Variants in KCNJ16 observed in about 807,000 individuals in gnomAD.
KCNJ16 encodes potassium inwardly rectifying channel subfamily J member 16, also known as inward rectifier potassium channel 16.
In KCNJ16, 15 loss-of-function variants were observed where a neutral mutation model predicts 18.5. The observed-to-expected ratio is 0.81, with a 90% CI of 0.54 to 1.25. The LOEUF (loss-of-function observed/expected upper bound fraction) is 1.25, where lower values mean the gene tolerates loss of function less well. Among genes scored for constraint, KCNJ16 ranks in the 50% most tolerant of loss-of-function variants. KCNJ16 has a pLI of 0.00. For missense variants in KCNJ16, 523 were observed against 525.7 expected (o/e 0.99, Z 0.05); for synonymous variants, 174 against 186.5 (o/e 0.93, Z 0.55).
intron 1 of KCNJ16, among the ~76,000 whole-genome samples, chr17:70,089,412 T>C (rs2071984223): frequency 6.6e-6 from 1 of 152,220 alleles, no homozygotes. Context: ...GGAATAAGTA[T>C]GTTTACTTTT....
Position 70,132,954 on chromosome 17 carries a change from T to A in KCNJ16, c.867T>A (p.Thr289=). 1 of 1,614,192 alleles carries A rather than the reference T, an allele frequency of 6.2e-7. No homozygotes were observed. Among genetic ancestry groups the A allele is most frequent in the African/African-American group, 1.3e-5 (1 of 75,062 alleles). The part of the protein sequence containing the change: ...LVTFIYTGDS[T]GTSHQSRSSY... ...CATTTATCTATACTGGTGATTCCAC[T>A]GGAACATCTCACCAATCTAGAAGCT... is the stretch of plus-strand genomic sequence containing the variant. Residue 289 remains threonine, a synonymous_variant, in exon 4 of 4, where the codon ACT becomes ACA. Coordinates refer to ENST00000392671, the MANE Select transcript of KCNJ16 (RefSeq NM_170741.4).
At chr17:70,084,811 A>G (rs981752119) in intron 1 of KCNJ16, among the ~76,000 whole-genome samples, 3 of 152,188 alleles carry the variant, frequency 2.0e-5, no homozygotes, top group African/African-American at 7.2e-5. Flanking sequence ...AAACACTAGT[A>G]AAATTCCTTG....
intron 1 of KCNJ16, among the ~76,000 whole-genome samples, chr17:70,096,058 A>G (rs2072357026): frequency 6.6e-6 from 1 of 151,096 alleles, no homozygotes; most frequent in Non-Finnish European, 1.5e-5. Context: ...AATTTTTTGT[A>G]TTTTTGAGTA....
intron 1 of KCNJ16, among the ~76,000 whole-genome samples, chr17:70,092,447 T>C (rs2072131408): frequency 6.6e-6 from 1 of 152,084 alleles, no homozygotes; most frequent in Admixed American, 6.6e-5. Flanking sequence ...AAATATGTAC[T>C]AGTCCATTGT....
At chr17:70,123,178 CTCTT>C (rs1160078007) in intron 2 of KCNJ16, among the ~76,000 whole-genome samples, 1 of 152,176 alleles carries the variant, frequency 6.6e-6, no homozygotes, top group African/African-American at 2.4e-5. Flanking sequence ...CTCTGGCTCT[CTCTT>C]TCTAGCCTCA....
At chr17:70,080,034 T>C (rs1023823344) in intron 1 of KCNJ16, among the ~76,000 whole-genome samples, 1 of 152,238 alleles carries the variant, frequency 6.6e-6, no homozygotes, top group Non-Finnish European at 1.5e-5. Context: ...AGCTTTTTTG[T>C]AATGCAACTT....
intron 3 of KCNJ16, chr17:70,131,369 G>C (rs548478510): frequency 9.6e-7 from 1 of 1,043,456 alleles, no homozygotes; most frequent in African/African-American, 1.7e-5. Flanking sequence ...GGTGGAGTTA[G>C]GGGGAAATGA....
chr17:70,079,591 T>A (rs1006708113), intron 1 of KCNJ16, among the ~76,000 whole-genome samples: 8 of 152,252 alleles, frequency 5.3e-5, no homozygotes, highest in Admixed American at 4.6e-4. Context: ...AAATTAAGAA[T>A]CATACTTTAG....
intron 2 of KCNJ16, among the ~76,000 whole-genome samples, chr17:70,111,966 A>G (rs966796691): frequency 1.3e-5 from 2 of 152,148 alleles, no homozygotes; most frequent in African/African-American, 4.8e-5. Context: ...ACTAACTAAT[A>G]CGGTCACCAA....
chr17:70,098,840 A>C (rs1293346498), intron 1 of KCNJ16, among the ~76,000 whole-genome samples: 1 of 152,190 alleles, frequency 6.6e-6, no homozygotes, highest in East Asian at 1.9e-4. Flanking sequence ...GTCAAACGGC[A>C]CCTCAATAAT....
chr17:70,132,398 A>G lies in KCNJ16; in HGVS notation c.311A>G (p.Asn104Ser). ...GCCTTTCATCATGGCGATCTATTAA[A>G]TGATCCAGACATCACACCTTGTGTT... Reference protein sequence around the residue: ...LIAFHHGDLLNDPDITPCVDN... With the variant: ...LIAFHHGDLLSDPDITPCVDN... The change falls in exon 4 of 4, where the codon AAT becomes AGT. Residue 104 changes from asparagine to serine, a missense_variant. By Grantham distance (46) the Asn-to-Ser change is conservative. Coordinates refer to ENST00000392671, the MANE Select transcript of KCNJ16 (RefSeq NM_170741.4). 1 of 1,614,198 alleles carries G rather than the reference A, an allele frequency of 6.2e-7. No individual in the cohort carries two copies. Among genetic ancestry groups the G allele is most frequent in the Non-Finnish European group, 8.5e-7 (1 of 1,180,042 alleles).
intron 2 of KCNJ16, 87 bp from the exon 3 acceptor site, chr17:70,130,792 A>G: frequency 1.5e-6 from 1 of 658,214 alleles, no homozygotes; most frequent in Non-Finnish European, 2.7e-6. Flanking sequence ...CATCTAGCAC[A>G]GGTAGACTGT....
At chr17:70,110,143 C>CA in intron 2 of KCNJ16, among the ~76,000 whole-genome samples, 1 of 152,166 alleles carries the variant, frequency 6.6e-6, no homozygotes. Flanking sequence ...ACATGACAAA[C>CA]AGACTCTCCA....
chr17:70,103,278 A>C (rs2072735381), intron 2 of KCNJ16, among the ~76,000 whole-genome samples: 1 of 23,036 alleles, frequency 4.3e-5, no homozygotes, highest in African/African-American at 1.5e-4. Context: ...TGTATATAAT[A>C]TGCATATATG....
intron 2 of KCNJ16, among the ~76,000 whole-genome samples, chr17:70,116,779 C>A (rs991832310): frequency 6.6e-6 from 1 of 152,104 alleles, no homozygotes; most frequent in Non-Finnish European, 1.5e-5. Flanking sequence ...GTGAGAATAG[C>A]CATTATTAAT....
chr17:70,083,733 T>G (rs919166738), intron 1 of KCNJ16, among the ~76,000 whole-genome samples: 4 of 152,202 alleles, frequency 2.6e-5, no homozygotes, highest in African/African-American at 9.7e-5. Flanking sequence ...GACACATGAC[T>G]GTATATATAT....
chr17:70,133,547 G>T lies in KCNJ16; in HGVS notation c.*203G>T. On this transcript the variant is annotated 3_prime_UTR_variant, in exon 4 of 4. Transcript: ENST00000392671. The stretch of plus-strand genomic sequence containing the variant: ...AAAATTTTTCTTGTTCGCCAATTTT[G>T]TATTAAGAATGCTATTAAGCCTAAT... The T allele has an allele frequency of 2.0e-6, 1 of 511,402 alleles. No homozygotes were observed. The highest frequency in any genetic ancestry group is 3.5e-6 in the Non-Finnish European group (1 of 284,294). 31.7% of individuals were successfully genotyped at this position (511,402 alleles called of 1,614,324 possible).
At position 70,133,018 on chromosome 17, in the gene KCNJ16, A is replaced by C. The variant is rs1567811053; in HGVS notation, c.931A>C (p.Asn311His). The C allele has an allele frequency of 6.2e-7, 1 of 1,614,124 alleles. No homozygotes were observed. Among genetic ancestry groups the C allele is most frequent in the South Asian group, 1.1e-5 (1 of 91,076 alleles). Residue 311 changes from asparagine to histidine, a missense_variant, in exon 4 of 4, where the codon AAT (asparagine) becomes CAT (histidine). Asn to His is a moderately conservative substitution (Grantham distance 68). Transcript: ENST00000392671. ...AGAAATTCTCTGGGGCCATAGGTTT[A>C]ATGATGTCTTGGAAGTTAAGAGGAA... ...PREILWGHRF[N>H]DVLEVKRKYY...
At chr17:70,129,931 TTTATTTATTTATTTA>T (rs2073999625) in intron 2 of KCNJ16, among the ~76,000 whole-genome samples, 1 of 151,374 alleles carries the variant, frequency 6.6e-6, no homozygotes, top group African/African-American at 2.4e-5. Flanking sequence ...TATTTATTTA[TTTATTTATTTATTTA>T]TTTTTTGGCA....
Sources: allele counts gnomAD v4.1 joint callset (sites outside exome capture counted in the v4.1 genomes callset), GRCh38; gene constraint gnomAD v4.1.1; transcripts MANE v1.5; gene names NCBI Gene and HGNC (gene_info 2026-07-23, HGNC 2026-07-21).